FGF10: variants seen among roughly 807,000 people sequenced by gnomAD.
FGF10 encodes fibroblast growth factor 10, also known as FGF-10.
FGF10 carries 2 observed loss-of-function variants against 19.8 expected under a neutral mutation model. The observed-to-expected ratio is 0.10, with a 90% confidence interval of 0.04 to 0.32. FGF10 has a LOEUF of 0.32. Among genes scored for constraint, FGF10 ranks in the 10% least tolerant of loss-of-function variants. The pLI, the probability that FGF10 is intolerant of heterozygous loss-of-function variation, is 1.00. For missense variants in FGF10, 191 were observed against 246.3 expected, an observed-to-expected ratio of 0.78 and a Z score of 1.50; for synonymous variants, 112 against 94.0, an observed-to-expected ratio of 1.19 and a Z score of -1.10.
intron 2 of FGF10, among the ~76,000 whole-genome samples, chr5:44,310,053 C>A (rs1021934875): frequency 6.6e-6 from 1 of 152,120 alleles, no homozygotes; most frequent in Non-Finnish European, 1.5e-5. Context: ...TCAGCCGTAA[C>A]GCATATATAA....
intron 1 of FGF10, among the ~76,000 whole-genome samples, chr5:44,361,241 T>C (rs1741475911): frequency 6.6e-6 from 1 of 151,682 alleles, no homozygotes; most frequent in African/African-American, 2.4e-5. Flanking sequence ...AGAAGCTCCT[T>C]GGGTCTTCTT....
intron 1 of FGF10, among the ~76,000 whole-genome samples, chr5:44,329,369 G>A (rs371420718): frequency 2.6e-5 from 4 of 152,178 alleles, no homozygotes; most frequent in African/African-American, 9.6e-5. Context: ...TAGACGCGGG[G>A]TTTCACCATG....
At chr5:44,382,620 G>T (rs888973336) in intron 1 of FGF10, among the ~76,000 whole-genome samples, 3 of 152,052 alleles carry the variant, frequency 2.0e-5, no homozygotes, top group Non-Finnish European at 4.4e-5. Context: ...GTGAAACAAA[G>T]TAATAAACAC....
rs1307586577 is a variant in FGF10 at position 44,357,242 on chromosome 5, A to G, written c.325+31116T>C. Reference sequence around the variant, plus strand: ...CAGAAAGGGGCCATACCAGTGATCTACTTCAACCTTTCTTTTACAGAGGAG... The same window carrying G: ...CAGAAAGGGGCCATACCAGTGATCTGCTTCAACCTTTCTTTTACAGAGGAG... On this transcript the variant is annotated intron_variant, in intron 1 of 2. Coordinates refer to ENST00000264664, the MANE Select transcript of FGF10 (RefSeq NM_004465.2). Among the ~76,000 whole-genome samples the G allele has an allele frequency of 1.3e-5, 2 of 151,508 alleles. 1 individual carries two copies. Among genetic ancestry groups the G allele is most frequent in the South Asian group, 4.1e-4 (2 of 4,828 alleles).
chr5:44,350,616 CAT>C (rs1465626753), intron 1 of FGF10, among the ~76,000 whole-genome samples: 1 of 150,504 alleles, frequency 6.6e-6, no homozygotes, highest in Admixed American at 6.6e-5. Flanking sequence ...ATATAATATA[CAT>C]ATATGTCCTT....
intron 1 of FGF10, among the ~76,000 whole-genome samples, chr5:44,386,391 G>A (rs1328614048): frequency 2.6e-5 from 4 of 152,034 alleles, no homozygotes; most frequent in Non-Finnish European, 5.9e-5. Flanking sequence ...ATATTCTTTT[G>A]AGTTTTCTCC....
Position 44,388,974 on chromosome 5 carries a change from G to A in FGF10, c.-292C>T, listed in dbSNP as rs1742177063. On this transcript the variant is annotated 5_prime_UTR_variant, in exon 1 of 3. Coordinates refer to ENST00000264664, the MANE Select transcript of FGF10 (RefSeq NM_004465.2). The stretch of plus-strand genomic sequence containing the variant: ...GCTGGTGGTGGCGTTGGTGGTGTTG[G>A]TCACCAGCGCTCTTCGCTCCCCCAG... 1.9e-6 allele frequency: 1 copy of A among 539,328 alleles called. No homozygotes were observed. Among genetic ancestry groups the A allele is most frequent in the Non-Finnish European group, 3.4e-6 (1 of 298,244 alleles). The allele number at this position is 539,328 out of a possible 1,614,324, so 33.4% of individuals were successfully genotyped here. A position where few individuals can be genotyped will look rare whatever the true frequency, so the allele number is the denominator to read the frequency against.
At chr5:44,385,897 C>T (rs1360759393) in intron 1 of FGF10, among the ~76,000 whole-genome samples, 1 of 152,088 alleles carries the variant, frequency 6.6e-6, no homozygotes, top group Admixed American at 6.5e-5. Context: ...TTTTCACTTG[C>T]TATGTTTTGA....
chr5:44,337,524 T>C (rs573170109), intron 1 of FGF10, among the ~76,000 whole-genome samples: 9 of 152,324 alleles, frequency 5.9e-5, no homozygotes, highest in South Asian at 2.1e-4. Context: ...ACAAAAATAA[T>C]CTACTGAAAA....
intron 1 of FGF10, among the ~76,000 whole-genome samples, chr5:44,386,932 C>T (rs1364442789): frequency 6.6e-6 from 1 of 152,144 alleles, no homozygotes; most frequent in African/African-American, 2.4e-5. Context: ...CCATTAGTAC[C>T]TGGTACTTTC....
chr5:44,311,863 A>G (rs1443572473), intron 1 of FGF10, among the ~76,000 whole-genome samples: 3 of 152,082 alleles, frequency 2.0e-5, no homozygotes, highest in Admixed American at 6.6e-5. Flanking sequence ...CTCTTCCCAT[A>G]GAGATAGAGT....
chr5:44,323,612 G>T (rs1364205271), intron 1 of FGF10, among the ~76,000 whole-genome samples: 3 of 152,122 alleles, frequency 2.0e-5, no homozygotes, highest in Non-Finnish European at 4.4e-5. Context: ...GAAATGGATT[G>T]TTAGGTAAGA....
intron 1 of FGF10, among the ~76,000 whole-genome samples, chr5:44,345,387 A>G (rs1000462265): frequency 6.6e-6 from 1 of 151,750 alleles, no homozygotes; most frequent in Non-Finnish European, 1.5e-5. Context: ...CTATTAATGC[A>G]TTACAATTTT....
intron 1 of FGF10, among the ~76,000 whole-genome samples, chr5:44,351,022 C>G (rs1056093597): frequency 6.6e-6 from 1 of 151,228 alleles, no homozygotes; most frequent in African/African-American, 2.4e-5. Flanking sequence ...TAAAATTAAC[C>G]TTCTTGGGTA....
At chr5:44,381,276 T>C (rs962166877) in intron 1 of FGF10, among the ~76,000 whole-genome samples, 1 of 152,176 alleles carries the variant, frequency 6.6e-6, no homozygotes, top group Non-Finnish European at 1.5e-5. Flanking sequence ...ACGGTCCTGA[T>C]GGAGTATATT....
intron 1 of FGF10, among the ~76,000 whole-genome samples, chr5:44,371,813 C>G (rs140677786): frequency 6.6e-6 from 1 of 152,084 alleles, no homozygotes; most frequent in Non-Finnish European, 1.5e-5. Flanking sequence ...TTCCTAGATA[C>G]TTTTCATAGA....
intron 1 of FGF10, among the ~76,000 whole-genome samples, chr5:44,346,830 AT>A (rs1741100952): frequency 6.6e-6 from 1 of 151,912 alleles, no homozygotes; most frequent in South Asian, 2.1e-4. Flanking sequence ...AAACAGAATA[AT>A]TTTATTTAGT....
intron 1 of FGF10, among the ~76,000 whole-genome samples, chr5:44,380,758 A>G (rs928501174): frequency 1.3e-5 from 2 of 152,168 alleles, no homozygotes; most frequent in Admixed American, 1.3e-4. Context: ...AGGCTGGAGG[A>G]TTGCTTGAGC....
intron 2 of FGF10, among the ~76,000 whole-genome samples, chr5:44,309,330 G>A (rs1740156939): frequency 1.3e-5 from 2 of 152,040 alleles, no homozygotes; most frequent in African/African-American, 2.4e-5. Flanking sequence ...ACAATAAGAT[G>A]GATCCACATG....
Sources: gnomAD v4.1 joint callset for allele counts (sites outside exome capture counted in the v4.1 genomes callset) on GRCh38, gnomAD v4.1.1 for gene constraint, MANE v1.5 for transcripts, NCBI Gene and HGNC (gene_info 2026-07-23, HGNC 2026-07-21) for gene names.